CAMTA1: variants seen among roughly 807,000 people sequenced by gnomAD.
CAMTA1 encodes calmodulin binding transcription activator 1.
Under a neutral mutation model 170.9 loss-of-function variants are expected in CAMTA1, and 27 were observed. The ratio of observed to expected loss-of-function variants is 0.16; its 90% confidence interval spans 0.12 to 0.22. The LOEUF is 0.22. Ranked by LOEUF, CAMTA1 falls within the 10% of genes least tolerant of loss-of-function variation. CAMTA1 has a pLI of 1.00. For synonymous variants in CAMTA1, 833 were observed against 891.5 expected (o/e 0.93, Z 1.17); for missense variants, 1,619 against 2,217.2 (o/e 0.73, Z 5.42).
chr1:7,599,203 T>C (rs1327289851), intron 6 of CAMTA1, among the ~76,000 whole-genome samples: 3 of 152,300 alleles, frequency 2.0e-5, no homozygotes, highest in East Asian at 1.9e-4. Context: ...GGGAATCCTT[T>C]CCCCATTTCT....
intron 7 of CAMTA1, among the ~76,000 whole-genome samples, chr1:7,648,573 T>C (rs1232994518): frequency 6.6e-6 from 1 of 152,146 alleles, no homozygotes; most frequent in Non-Finnish European, 1.5e-5. Flanking sequence ...CCAGGGTCAC[T>C]ACCTCTGAGC....
chr1:7,585,535 A>AT lies in CAMTA1; in HGVS notation c.511-54864dup, dbSNP rs1234095889. On this transcript the variant is annotated intron_variant, in intron 6 of 22. Transcript: ENST00000303635. The surrounding 1 kb of genome is among the most constrained non-coding windows in gnomAD (Gnocchi z 4.8). ...GACCAGGACCAGATGGGTCCAGCCC[A>AT]TGGGCATTGTAAGGACTTGGGGTTT... Among the ~76,000 whole-genome samples, 1 of 152,130 alleles carries AT rather than the reference A, an allele frequency of 6.6e-6. No individual in the cohort carries two copies. The highest frequency in any genetic ancestry group is 2.4e-5 in the African/African-American group (1 of 41,424).
At chr1:6,913,022 C>T (rs1292962113) in intron 3 of CAMTA1, among the ~76,000 whole-genome samples, 1 of 152,194 alleles carries the variant, frequency 6.6e-6, no homozygotes. Context: ...CTTGGTCTCC[C>T]CAGGCTGCCA....
chr1:7,103,027 G>A (rs1391557338), intron 4 of CAMTA1, among the ~76,000 whole-genome samples: 1 of 152,048 alleles, frequency 6.6e-6, no homozygotes, highest in East Asian at 1.9e-4. Context: ...ACTTTGGGGA[G>A]TGCTACAAGG....
Position 6,864,832 on chromosome 1 carries a change from G to A in CAMTA1, c.234+39622G>A, listed in dbSNP as rs1229159989. Among the ~76,000 whole-genome samples the A allele has an allele frequency of 3.3e-5, 5 of 152,234 alleles. No homozygotes were observed. In the South Asian group the frequency reaches 6.2e-4, roughly 19 times the overall value. ...TGCTGGGAGTTACTTGTTCTATGTC[G>A]GAATTGTTCCTCAGTGCTGGGGTGG... is the stretch of plus-strand genomic sequence containing the variant. On this transcript the variant is annotated intron_variant, in intron 3 of 22. Transcript: ENST00000303635.
intron 3 of CAMTA1, among the ~76,000 whole-genome samples, chr1:7,025,277 G>T (rs1701872587): frequency 6.6e-6 from 1 of 152,236 alleles, no homozygotes; most frequent in Non-Finnish European, 1.5e-5. Flanking sequence ...GGGAGCCGAG[G>T]CTGCAGGACC....
In CAMTA1 at chr1:6,852,093, A is replaced by G. The variant is rs1023190591; in HGVS notation, c.234+26883A>G. Among the ~76,000 whole-genome samples, 7 of 152,138 alleles carry G rather than the reference A, an allele frequency of 4.6e-5. No individual in the cohort carries two copies. In the East Asian group the frequency reaches 5.8e-4, roughly 13 times the overall value. On this transcript the variant is annotated intron_variant, in intron 3 of 22. Transcript: ENST00000303635. ...AGTGAGATTGACAGCTAATTTCTCA[A>G]TAGATGTAATAGTGCATCCTTCTCA...
intron 6 of CAMTA1, among the ~76,000 whole-genome samples, chr1:7,595,455 T>C (rs1377781742): frequency 1.3e-5 from 2 of 152,222 alleles, no homozygotes; most frequent in Non-Finnish European, 2.9e-5. Context: ...AGTGCCTTAA[T>C]TTGGTTCTTC....
intron 3 of CAMTA1, among the ~76,000 whole-genome samples, chr1:6,926,575 CT>C (rs1683302768): frequency 8.3e-6 from 1 of 120,036 alleles, no homozygotes; most frequent in Non-Finnish European, 1.7e-5. Flanking sequence ...TCTCTCTCTC[CT>C]TCTCTCTCTC....
In CAMTA1 at chr1:7,634,182, C is replaced by T. The variant is rs1282031468; in HGVS notation, c.511-6218C>T. 2.0e-5 allele frequency among the ~76,000 whole-genome samples: 3 copies of T among 152,148 alleles called. No homozygotes were observed. Among genetic ancestry groups the T allele is most frequent in the African/African-American group, 7.2e-5 (3 of 41,432 alleles). On this transcript the variant is annotated intron_variant, in intron 6 of 22. Coordinates refer to ENST00000303635, the MANE Select transcript of CAMTA1 (RefSeq NM_015215.4). The surrounding 1 kb of genome is among the most constrained non-coding windows in gnomAD (Gnocchi z 6.2). Reference sequence around the variant, plus strand: ...CGTGAGGACACCCGGGAGGAGGGCACACTCCCACGTGCGCAGGAGAGCAGG... The same window carrying T: ...CGTGAGGACACCCGGGAGGAGGGCATACTCCCACGTGCGCAGGAGAGCAGG...
chr1:7,009,326 C>T (rs1333327571), intron 3 of CAMTA1, among the ~76,000 whole-genome samples: 2 of 152,122 alleles, frequency 1.3e-5, no homozygotes, highest in African/African-American at 4.8e-5. Flanking sequence ...ACAGAGATTC[C>T]CCAGAGGCGG....
At chr1:7,709,064 GGCTGGTGT>G (rs759510708) in intron 11 of CAMTA1, among the ~76,000 whole-genome samples, 26 of 152,284 alleles carry the variant, frequency 1.7e-4, no homozygotes, top group South Asian at 1.0e-3. Flanking sequence ...CACGCAGCCA[GGCTGGTGT>G]GCTGGTGTGC....
intron 4 of CAMTA1, among the ~76,000 whole-genome samples, chr1:7,166,262 T>C (rs995722467): frequency 6.6e-6 from 1 of 152,076 alleles, no homozygotes; most frequent in Non-Finnish European, 1.5e-5. Flanking sequence ...GAGACAGGGT[T>C]TCACCATGTT....
At chr1:7,528,647 G>A (rs892017635) in intron 6 of CAMTA1, among the ~76,000 whole-genome samples, 6 of 152,152 alleles carry the variant, frequency 3.9e-5, no homozygotes, top group Non-Finnish European at 2.9e-5. Flanking sequence ...AGATGGTGGC[G>A]TGCCCTATTG....
intron 5 of CAMTA1, among the ~76,000 whole-genome samples, chr1:7,405,827 C>T (rs1485575578): frequency 6.6e-6 from 1 of 152,216 alleles, no homozygotes; most frequent in Non-Finnish European, 1.5e-5. Context: ...ACCAAGCATG[C>T]CTCAGTGTTG....
At chr1:7,716,413 T>C (rs551074807) in intron 11 of CAMTA1, among the ~76,000 whole-genome samples, 1 of 152,324 alleles carries the variant, frequency 6.6e-6, no homozygotes, top group Admixed American at 6.5e-5. Context: ...AGATATTTTA[T>C]CCAGAATCCA....
rs72505016 is a variant in CAMTA1, at chr1:7,680,812, G to GC, written c.2914+3079_2914+3080insC. Among the ~76,000 whole-genome samples the GC allele has an allele frequency of 2.0e-5, 2 of 101,394 alleles. No individual in the cohort carries two copies. Among genetic ancestry groups the GC allele is most frequent in the South Asian group, 3.5e-4 (1 of 2,854 alleles). The allele number at this position is 101,394 out of a possible 152,430, so 66.5% of individuals were successfully genotyped here. A position where few individuals can be genotyped will look rare whatever the true frequency, so the allele number is the denominator to read the frequency against. On this transcript the variant is annotated intron_variant, in intron 11 of 22. Coordinates refer to ENST00000303635, the MANE Select transcript of CAMTA1 (RefSeq NM_015215.4). The surrounding 1 kb of genome is among the most constrained non-coding windows in gnomAD (Gnocchi z 4.4). ...ATTTGTTTGCTTGGCTAAAGGCCGG[G>GC]GGGGGGCGTGGGTCCGGGGCGCAGA... is the stretch of plus-strand genomic sequence containing the variant.
intron 3 of CAMTA1, among the ~76,000 whole-genome samples, chr1:6,841,508 A>G (rs531551996): frequency 7.9e-5 from 12 of 151,950 alleles, no homozygotes; most frequent in African/African-American, 1.4e-4. Flanking sequence ...CGGTGGCCCA[A>G]TGGGAGTGAG....
intron 4 of CAMTA1, among the ~76,000 whole-genome samples, chr1:7,187,178 C>T (rs1157831814): frequency 6.6e-6 from 1 of 151,976 alleles, no homozygotes; most frequent in Non-Finnish European, 1.5e-5. Flanking sequence ...GAAAATGACT[C>T]CAGGTTTGCA....
Sources: allele counts gnomAD v4.1 joint callset (sites outside exome capture counted in the v4.1 genomes callset), GRCh38; gene constraint gnomAD v4.1.1; non-coding constraint Gnocchi (gnomAD v3.1); transcripts MANE v1.5; gene names NCBI Gene and HGNC (gene_info 2026-07-23, HGNC 2026-07-21).